The following EPHB4 variants were observed in gnomAD, a reference collection of about 807,000 sequenced individuals.
EPHB4 encodes the protein ephrin type-B receptor 4.
EPHB4 carries 50 observed loss-of-function variants against 110.6 expected under a neutral mutation model. The observed-to-expected ratio is 0.45, with a 90% CI of 0.36 to 0.57. The LOEUF (loss-of-function observed/expected upper bound fraction) is 0.57, where lower values mean the gene tolerates loss of function less well. Among genes scored for constraint, EPHB4 ranks in the 20% least tolerant of loss-of-function variants. The probability of loss-of-function intolerance (pLI) is 0.00; values close to 1 mark genes in which losing one functional copy is unlikely to be tolerated. For synonymous variants in EPHB4, 592 were observed against 578.4 expected, an observed-to-expected ratio of 1.02 and a Z score of -0.34; for missense variants, 1,128 against 1,382.1, an observed-to-expected ratio of 0.82 and a Z score of 2.91.
rs537105134 is a variant in EPHB4 at position 100,818,943 on chromosome 7, C to T, written c.1298-299G>A. On this transcript the variant is annotated intron_variant, in intron 6 of 16. Coordinates refer to ENST00000358173, the MANE Select transcript of EPHB4 (RefSeq NM_004444.5). Reference sequence around the variant, plus strand: ...ACTCCTGACCTTGTGATCAGCCTGGCCATGTCCCTTATCTTTTCCAACACT... The same window carrying T: ...ACTCCTGACCTTGTGATCAGCCTGGTCATGTCCCTTATCTTTTCCAACACT... 4.6e-5 allele frequency among the ~76,000 whole-genome samples: 7 copies of T among 152,188 alleles called. No homozygotes were observed. The South Asian group carries it at 8.3e-4, about 18-fold the overall frequency.
chr7:100,824,172 C>T (rs770140126), intron 2 of EPHB4, 31 bp downstream of exon 2: 22 of 1,613,842 alleles, frequency 1.4e-5, no homozygotes, highest in South Asian at 4.4e-5. Context: ...AGTTTCCCTC[C>T]AGAGCTCCAG....
chr7:100,824,131 A>G, intron 2 of EPHB4, 72 bp downstream of exon 2: 2 of 1,600,154 alleles, frequency 1.2e-6, no homozygotes, highest in South Asian at 2.2e-5. Context: ...GCACACAGAA[A>G]GCAGGCGGCA....
Position 100,823,936 on chromosome 7 carries a change from G to T in EPHB4, c.124-5C>A, listed in dbSNP as rs1813308015. ...CAGGCCGCTCAGTTCCTCCCACTGTGCAGAGAAGGAGGTCAGCAAGGGGGC... is the reference window on the plus strand; with the variant it reads ...CAGGCCGCTCAGTTCCTCCCACTGTTCAGAGAAGGAGGTCAGCAAGGGGGC... On this transcript the variant is annotated splice_polypyrimidine_tract_variant and splice_region_variant and intron_variant, in intron 2 of 16. Transcript: ENST00000358173. The T allele has an allele frequency of 6.4e-7, 1 of 1,574,132 alleles. No homozygotes were observed.
chr7:100,819,848 C>G lies in EPHB4; in HGVS notation c.1006G>C (p.Gly336Arg). 6.4e-7 allele frequency: 1 copy of G among 1,552,902 alleles called. No homozygotes were observed. The highest frequency in any genetic ancestry group is 2.0e-5 in the Admixed American group (1 of 51,196). The change falls in exon 6 of 17, where the codon GGC (glycine) becomes CGC (arginine). Residue 336 changes from glycine (G) to arginine (R), a missense_variant. Around this residue, in one of 3 missense-constraint regions of EPHB4, gnomAD observed 728 missense variants for 828.6 expected, o/e 0.88. Coordinates refer to ENST00000358173, the MANE Select transcript of EPHB4 (RefSeq NM_004444.5). ...APRSVVSRLN[G>R]SSLHLEWSAP... ...CTCCATTCCAGGTGCAGGGAGGAGC[C>G]GTTCAGGCGGGAAACCACGCTCCGC...
chr7:100,810,030 T>C (rs1429739267), intron 12 of EPHB4, among the ~76,000 whole-genome samples: 14 of 151,752 alleles, frequency 9.2e-5, no homozygotes, highest in Admixed American at 6.6e-5. Flanking sequence ...GGTGGGCAGA[T>C]CACGAGGTCA....
At chr7:100,818,391 C>A in intron 7 of EPHB4, 129 bp downstream of exon 7, 2 of 1,440,102 alleles carry the variant, frequency 1.4e-6, no homozygotes, top group Non-Finnish European at 9.4e-7. Flanking sequence ...GGGGCTTACC[C>A]AAGGCTGCCC....
intron 15 of EPHB4, 80 bp from the exon 16 acceptor site, chr7:100,805,401 C>T (rs1260215390): frequency 1.3e-5 from 21 of 1,589,798 alleles, no homozygotes; most frequent in African/African-American, 8.1e-5. Flanking sequence ...CTTGCAGAGG[C>T]GGACAGAGGC....
At position 100,827,078 on chromosome 7, in the gene EPHB4, C is replaced by CGAGG; in HGVS notation, c.-49_-48insCCTC. ...ATCCGAACTGAGTTTGGGGGGCCCT[C>CGAGG]GCCCCCCCAGGTCTGACTCTCCCTG... On this transcript the variant is annotated 5_prime_UTR_variant, in exon 1 of 17. Coordinates refer to ENST00000358173, the MANE Select transcript of EPHB4 (RefSeq NM_004444.5). 6.5e-7 allele frequency: 1 copy of CGAGG among 1,544,108 alleles called. No homozygotes were observed. The highest frequency in any genetic ancestry group is 8.8e-7 in the Non-Finnish European group (1 of 1,141,336).
In EPHB4 at chr7:100,813,191, C is replaced by G. The variant is rs771142479; in HGVS notation, c.1774G>C (p.Asp592His). ...TTAGGGTCTTCATAAGTGAAGGGGT[C>G]GATGTAGACCTTAGTACCTGAGAAA... ...LIGHGTKVYI[D>H]PFTYEDPNEA... Residue 592 changes from aspartate to histidine, a missense_variant, in exon 11 of 17, where the codon GAC becomes CAC. Physicochemically the swap from Asp to His is moderately conservative, Grantham distance 81 (BLOSUM62 -1). Around this residue, in one of 3 missense-constraint regions of EPHB4, gnomAD observed 191 missense variants for 313.0 expected, o/e 0.61. Coordinates refer to ENST00000358173, the MANE Select transcript of EPHB4 (RefSeq NM_004444.5). The G allele has an allele frequency of 6.2e-7, 1 of 1,603,638 alleles. No homozygotes were observed.
At position 100,827,004 on chromosome 7, in the gene EPHB4, C is replaced by G; in HGVS notation, c.27G>C (p.Trp9Cys). ...CTTCCAAAGCTGCGGCCAACGAAGC[C>G]CAGCAGAGCAGCACCCGGAGCTCCA... is the stretch of plus-strand genomic sequence containing the variant. MELRVLLC[W>C]ASLAAALEET... Residue 9 changes from tryptophan (W) to cysteine (C), a missense_variant, in exon 1 of 17, where the codon TGG (tryptophan) becomes TGC (cysteine). Physicochemically the swap from Trp to Cys is radical, Grantham distance 215 (BLOSUM62 -2). Transcript: ENST00000358173. The G allele has an allele frequency of 6.3e-7, 1 of 1,580,740 alleles. No individual in the cohort carries two copies. The highest frequency in any genetic ancestry group is 8.6e-7 in the Non-Finnish European group (1 of 1,163,124).
In EPHB4 at chr7:100,805,331, A is replaced by G. The variant is rs1380768551; in HGVS notation, c.2679-10T>C. 4 of 1,613,642 alleles carry G rather than the reference A, an allele frequency of 2.5e-6. No individual in the cohort carries two copies. On this transcript the variant is annotated splice_polypyrimidine_tract_variant and intron_variant, in intron 15 of 16. Transcript: ENST00000358173. ...GAGAGGGTGTGAGGCCCTAGGGGGC[A>G]AGGATGGGGAGGAATGCTGAGTACC...
At chr7:100,810,502 G>A (rs1812903527) in intron 12 of EPHB4, among the ~76,000 whole-genome samples, 3 of 152,192 alleles carry the variant, frequency 2.0e-5, no homozygotes, top group Admixed American at 2.0e-4. Context: ...AGCACTTTGA[G>A]AGGTTAAGGA....
intron 2 of EPHB4, 119 bp downstream of exon 2, chr7:100,824,084 G>C: frequency 6.5e-7 from 1 of 1,536,492 alleles, no homozygotes; most frequent in Middle Eastern, 2.0e-4. Flanking sequence ...GACACTGCTG[G>C]GGCTGCTGTC....
At chr7:100,818,471 A>G (rs1221872003) in intron 7 of EPHB4, 49 bp downstream of exon 7, 2 of 1,595,388 alleles carry the variant, frequency 1.3e-6, no homozygotes, top group Non-Finnish European at 1.7e-6. Flanking sequence ...CCCAGCCAGG[A>G]GAGCACAACC....
intron 8 of EPHB4, among the ~76,000 whole-genome samples, chr7:100,816,054 C>A (rs952208376): frequency 6.6e-6 from 1 of 151,054 alleles, no homozygotes; most frequent in East Asian, 2.0e-4. Flanking sequence ...TTCGGGAAGC[C>A]GAGGCGGGTG....
Position 100,803,515 on chromosome 7 carries a change from G to A in EPHB4, c.2910C>T (p.Ser970=), listed in dbSNP as rs759204782. 21 of 1,594,120 alleles carry A rather than the reference G, an allele frequency of 1.3e-5. No individual in the cohort carries two copies. The highest frequency in any genetic ancestry group is 1.5e-5 in the Non-Finnish European group (17 of 1,170,152). The change falls in exon 17 of 17, where the codon TCC becomes TCT. Residue 970 remains serine (S), a synonymous_variant. Coordinates refer to ENST00000358173, the MANE Select transcript of EPHB4 (RefSeq NM_004444.5). ...CACCCGGGGTTCCCGGCTTGGCCTGGGACTTCATGTGCTGGACACTGGCCA... is the reference window on the plus strand; with the variant it reads ...CACCCGGGGTTCCCGGCTTGGCCTGAGACTTCATGTGCTGGACACTGGCCA... The part of the protein sequence containing the change: ...KILASVQHMK[S]QAKPGTPGGT...
At chr7:100,807,823 C>T (rs1239721374) in intron 12 of EPHB4, among the ~76,000 whole-genome samples, 1 of 152,034 alleles carries the variant, frequency 6.6e-6, no homozygotes, top group East Asian at 1.9e-4. Context: ...GAGATAGGTT[C>T]CCACTATGTT....
At chr7:100,816,333 G>T (rs1172771662) in intron 8 of EPHB4, among the ~76,000 whole-genome samples, 1 of 151,640 alleles carries the variant, frequency 6.6e-6, no homozygotes, top group Non-Finnish European at 1.5e-5. Context: ...TCAAGCCTGC[G>T]GTGAGCTTTT....
At chr7:100,814,055 T>G in intron 8 of EPHB4, 34 bp from the exon 9 acceptor site, 1 of 1,610,132 alleles carries the variant, frequency 6.2e-7, no homozygotes, top group Non-Finnish European at 8.5e-7. Flanking sequence ...CAGGAGAAAC[T>G]GATGGTCCTG....
Sources: allele counts gnomAD v4.1 joint callset (sites outside exome capture counted in the v4.1 genomes callset), GRCh38; gene constraint gnomAD v4.1.1; regional missense constraint gnomAD v4.1.1; transcripts MANE v1.5; gene names NCBI Gene and HGNC (gene_info 2026-07-23, HGNC 2026-07-21).